ERC1: variants seen among roughly 807,000 people sequenced by gnomAD.
ERC1 encodes the protein ELKS/RAB6-interacting/CAST family member 1.
A neutral mutation model predicts 132.0 loss-of-function variants in ERC1; 56 were observed. The ratio of observed to expected loss-of-function variants is 0.42; its 90% CI spans 0.34 to 0.53. The LOEUF is 0.53. ERC1 is among the 20% of genes least tolerant of loss of function. The probability of loss-of-function intolerance (pLI) is 0.03; values close to 1 mark genes in which losing one functional copy is unlikely to be tolerated. For synonymous variants in ERC1, 478 were observed against 476.1 expected (o/e 1.00, Z -0.05); for missense variants, 1,202 against 1,349.9 (o/e 0.89, Z 1.72).
rs2094310632 is a variant in ERC1 at position 1,490,759 on chromosome 12, C to G, written c.*529C>G. ...GGAAGGGAAGAGAAAATCGACTCTT[C>G]TTTTTACTGTCTCTTCTGCTTACTT... On this transcript the variant is annotated 3_prime_UTR_variant, in exon 19 of 19. Transcript: ENST00000360905. The G allele has an allele frequency of 4.3e-6, 1 of 234,406 alleles. No homozygotes were observed. Among genetic ancestry groups the G allele is most frequent in the Non-Finnish European group, 8.4e-6 (1 of 118,820 alleles). The allele number at this position is 234,406 out of a possible 1,614,324, so 14.5% of individuals were successfully genotyped here.
intron 16 of ERC1, chr12:1,380,502 T>C (rs576229372): frequency 7.2e-5 from 11 of 152,372 alleles, no homozygotes; most frequent in African/African-American, 2.6e-4. Context: ...ACTCAGTCTT[T>C]AGGAGTGGTT....
intron 18 of ERC1, among the ~76,000 whole-genome samples, chr12:1,485,505 A>T (rs1229326842): frequency 2.6e-5 from 4 of 151,984 alleles, no homozygotes; most frequent in Admixed American, 6.6e-5. Context: ...ATCTGGCCAT[A>T]TTTAATTATT....
intron 18 of ERC1, among the ~76,000 whole-genome samples, chr12:1,460,433 G>A (rs1317399649): frequency 2.6e-5 from 4 of 152,172 alleles, no homozygotes; most frequent in East Asian, 1.9e-4. Context: ...TACCCCATGA[G>A]CAGTGCTGCC....
At chr12:1,418,643 CTCTCTCTCTCTCTCTCTCTTTCT>C (rs2092275747) in intron 17 of ERC1, among the ~76,000 whole-genome samples, 2 of 113,210 alleles carry the variant, frequency 1.8e-5, no homozygotes, top group African/African-American at 7.2e-5. Flanking sequence ...TTCTTTCTTT[CTCTCTCTCTCTCTCTCTCTTTCT>C]TTTCTTTCTT....
chr12:1,275,783 A>T (rs1481536200), intron 14 of ERC1, among the ~76,000 whole-genome samples: 1 of 152,202 alleles, frequency 6.6e-6, no homozygotes, highest in Non-Finnish European at 1.5e-5. Flanking sequence ...TTATTTGGCC[A>T]TGGTTCTACA....
chr12:1,157,764 G>A (rs1416867636), intron 8 of ERC1, among the ~76,000 whole-genome samples: 2 of 152,142 alleles, frequency 1.3e-5, no homozygotes, highest in Non-Finnish European at 2.9e-5. Context: ...AGGATGATCA[G>A]ATTTTTCAAA....
chr12:1,311,031 C>T (rs2081267144), intron 15 of ERC1, among the ~76,000 whole-genome samples: 1 of 152,184 alleles, frequency 6.6e-6, no homozygotes, highest in South Asian at 2.1e-4. Flanking sequence ...GGGAGGGAGA[C>T]AAGAAACATA....
chr12:1,440,432 T>TG (rs2093095001), intron 17 of ERC1, among the ~76,000 whole-genome samples: 1 of 150,896 alleles, frequency 6.6e-6, no homozygotes, highest in Non-Finnish European at 1.5e-5. Flanking sequence ...GGTCTCGATC[T>TG]CCTGACCTCG....
At chr12:1,423,242 G>C (rs563405512) in intron 17 of ERC1, among the ~76,000 whole-genome samples, 16 of 152,266 alleles carry the variant, frequency 1.1e-4, no homozygotes, top group African/African-American at 3.9e-4. Flanking sequence ...TAACCAATAA[G>C]AGATTTTCTT....
chr12:1,396,076 C>T (rs2154384980), intron 16 of ERC1, among the ~76,000 whole-genome samples: 1 of 152,270 alleles, frequency 6.6e-6, no homozygotes, highest in South Asian at 2.1e-4. Flanking sequence ...TCCCTGGATT[C>T]TAGAGTTCTT....
intron 2 of ERC1, among the ~76,000 whole-genome samples, chr12:1,051,525 A>AC (rs1565865235): frequency 2.3e-4 from 31 of 132,972 alleles, no homozygotes; most frequent in African/African-American, 8.7e-4. Flanking sequence ...CCTCGTCTCT[A>AC]CCCCAAAAAA....
At chr12:1,309,049 G>A (rs2081091777) in intron 15 of ERC1, among the ~76,000 whole-genome samples, 1 of 152,206 alleles carries the variant, frequency 6.6e-6, no homozygotes, top group South Asian at 2.1e-4. Context: ...AAAGCGGACT[G>A]TCACCAGATA....
intron 15 of ERC1, among the ~76,000 whole-genome samples, chr12:1,346,861 G>A (rs1207403099): frequency 2.0e-5 from 3 of 151,324 alleles, no homozygotes; most frequent in Non-Finnish European, 2.9e-5. Flanking sequence ...AGAATGGTGT[G>A]AACCCGGGAA....
intron 8 of ERC1, among the ~76,000 whole-genome samples, chr12:1,175,841 T>G (rs753260366): frequency 6.6e-6 from 1 of 152,146 alleles, no homozygotes; most frequent in East Asian, 1.9e-4. Context: ...GGCCCATCTG[T>G]TCAGATTTTA....
intron 7 of ERC1, among the ~76,000 whole-genome samples, chr12:1,134,601 C>G (rs1949077426): frequency 1.3e-5 from 2 of 152,048 alleles, no homozygotes; most frequent in Non-Finnish European, 2.9e-5. Flanking sequence ...ATCCTTCTGC[C>G]TCAGCCTCCC....
At chr12:997,805 C>CT (rs1289753144) in intron 1 of ERC1, among the ~76,000 whole-genome samples, 10 of 152,228 alleles carry the variant, frequency 6.6e-5, no homozygotes, top group African/African-American at 2.4e-4. Flanking sequence ...GTGGAAGAGA[C>CT]TGAGTAGCTT....
chr12:1,174,230 A>G (rs1201175941), intron 8 of ERC1, among the ~76,000 whole-genome samples: 2 of 152,242 alleles, frequency 1.3e-5, no homozygotes, highest in African/African-American at 2.4e-5. Context: ...GTTTGCACCT[A>G]TCTGTGTCTA....
intron 12 of ERC1, among the ~76,000 whole-genome samples, chr12:1,210,734 G>A (rs147427554): frequency 0.029 from 4,436 of 152,208 alleles, 221 homozygotes; most frequent in African/African-American, 0.1. Context: ...GGTGGCTCAC[G>A]CCTGTAATCC....
chr12:1,226,323 G>C (rs145483442), intron 12 of ERC1, among the ~76,000 whole-genome samples: 1 of 152,030 alleles, frequency 6.6e-6, no homozygotes, highest in Non-Finnish European at 1.5e-5. Flanking sequence ...ATTTAAGTAC[G>C]GTGTACCACA....
Sources: allele counts gnomAD v4.1 joint callset (sites outside exome capture counted in the v4.1 genomes callset), GRCh38; gene constraint gnomAD v4.1.1; transcripts MANE v1.5; gene names NCBI Gene and HGNC (gene_info 2026-07-23, HGNC 2026-07-21).